The following SORL1 variants were observed in gnomAD, a reference collection of about 807,000 sequenced individuals.
SORL1 encodes sortilin-related receptor.
In SORL1, 127 loss-of-function variants were observed where a neutral mutation model predicts 273.7. That is an observed-to-expected ratio of 0.46 (90% CI 0.40 to 0.54). SORL1 has a LOEUF of 0.54. SORL1 is among the 20% of genes least tolerant of loss of function. The probability of loss-of-function intolerance (pLI) is 0.00; values close to 1 mark genes in which losing one functional copy is unlikely to be tolerated. For missense variants in SORL1, 2,494 were observed against 2,846.1 expected (o/e 0.88, Z 2.81); for synonymous variants, 1,031 against 1,067.4 (o/e 0.97, Z 0.66).
chr11:121,604,446 A>G, intron 33 of SORL1, 122 bp downstream of exon 33: 2 of 1,298,864 alleles, frequency 1.5e-6, no homozygotes, highest in Non-Finnish European at 2.1e-6. Flanking sequence ...ATCTAAGGAT[A>G]AAACAGATTT....
intron 5 of SORL1, among the ~76,000 whole-genome samples, chr11:121,491,211 G>T (rs1053572740): frequency 6.6e-6 from 1 of 152,134 alleles, no homozygotes; most frequent in South Asian, 2.1e-4. Flanking sequence ...AATCTGCATC[G>T]CTTGATAAAG....
At chr11:121,453,502 C>T (rs1271251872) in intron 1 of SORL1, among the ~76,000 whole-genome samples, 3 of 151,968 alleles carry the variant, frequency 2.0e-5, no homozygotes, top group Admixed American at 1.3e-4. Context: ...TTAAGATTGA[C>T]ATCAGCAAAA....
chr11:121,546,916 T>A (rs922140740), intron 14 of SORL1: 5 of 152,214 alleles, frequency 3.3e-5, no homozygotes, highest in Non-Finnish European at 5.9e-5. Flanking sequence ...GGCTCTGCGT[T>A]TCCATCAAGC....
chr11:121,581,370 AG>A (rs1863012992), intron 25 of SORL1, among the ~76,000 whole-genome samples: 2 of 152,172 alleles, frequency 1.3e-5, no homozygotes, highest in Non-Finnish European at 1.5e-5. Context: ...CCTGAGTCAA[AG>A]ATTAAGTTGT....
intron 2 of SORL1, among the ~76,000 whole-genome samples, chr11:121,473,910 AAAAG>A (rs1861216508): frequency 6.6e-6 from 1 of 152,090 alleles, no homozygotes; most frequent in Non-Finnish European, 1.5e-5. Flanking sequence ...AAAAAAGAAA[AAAAG>A]AAAAGAATCA....
At position 121,619,860 on chromosome 11, in the gene SORL1, C is replaced by G; in HGVS notation, c.5832C>G (p.Gly1944=). 1 of 1,614,012 alleles carries G rather than the reference C, an allele frequency of 6.2e-7. No homozygotes were observed. Among genetic ancestry groups the G allele is most frequent in the Non-Finnish European group, 8.5e-7 (1 of 1,179,912 alleles). Residue 1944 remains glycine, a synonymous_variant, in exon 43 of 48, where the codon GGC becomes GGG. Transcript: ENST00000260197. ...PPRHLHVVHT[G]KTSVVIKWES... is the part of the protein sequence containing the mutation. ...GTCACCTGCATGTGGTTCATACGGG[C>G]AAAACCTCCGTGGTCATCAAGTGGG...
chr11:121,541,762 G>C (rs1862353096), intron 12 of SORL1, among the ~76,000 whole-genome samples: 1 of 152,192 alleles, frequency 6.6e-6, no homozygotes, highest in Admixed American at 6.5e-5. Flanking sequence ...GATAAAACAA[G>C]TGTTGGGCAG....
chr11:121,560,677 G>T (rs1862658114), intron 21 of SORL1, among the ~76,000 whole-genome samples: 1 of 152,180 alleles, frequency 6.6e-6, no homozygotes, highest in Non-Finnish European at 1.5e-5. Context: ...TACTGTTATA[G>T]ATATCATTGT....
intron 12 of SORL1, 81 bp from the exon 13 acceptor site, chr11:121,543,467 T>G: frequency 1.7e-6 from 2 of 1,173,192 alleles, no homozygotes; most frequent in Non-Finnish European, 2.5e-6. Context: ...TGGTTCCTGT[T>G]CCTGGTGAAT....
At chr11:121,555,396 G>T (rs1222926209) in intron 18 of SORL1, 78 bp downstream of exon 18, 15 of 1,551,776 alleles carry the variant, frequency 9.7e-6, no homozygotes, top group Non-Finnish European at 1.3e-5. Flanking sequence ...TGACACAGAG[G>T]CAAGGGCCAG....
intron 5 of SORL1, among the ~76,000 whole-genome samples, chr11:121,495,875 G>T (rs751822888): frequency 3.3e-5 from 5 of 152,202 alleles, no homozygotes; most frequent in Non-Finnish European, 7.3e-5. Context: ...AGGGTAAAAT[G>T]AAATCTAAGA....
At chr11:121,504,411 C>CA (rs547575317) in intron 6 of SORL1, among the ~76,000 whole-genome samples, 40 of 144,918 alleles carry the variant, frequency 2.8e-4, no homozygotes, top group Non-Finnish European at 3.5e-4. Flanking sequence ...GACTCTGTCT[C>CA]AAAAAAAAAA....
At chr11:121,622,685 C>T (rs1863740306) in intron 45 of SORL1, among the ~76,000 whole-genome samples, 1 of 152,238 alleles carries the variant, frequency 6.6e-6, no homozygotes, top group Non-Finnish European at 1.5e-5. Flanking sequence ...CATCTCAGCA[C>T]TCTCTTCCCA....
intron 16 of SORL1, among the ~76,000 whole-genome samples, chr11:121,551,651 C>T (rs1313951706): frequency 6.6e-6 from 1 of 152,168 alleles, no homozygotes; most frequent in Non-Finnish European, 1.5e-5. Context: ...CTTACGTGGA[C>T]AGCCATAAGC....
chr11:121,535,197 C>T (rs915295410), intron 12 of SORL1, among the ~76,000 whole-genome samples: 1 of 152,112 alleles, frequency 6.6e-6, no homozygotes, highest in Non-Finnish European at 1.5e-5. Context: ...AATGACAACC[C>T]CTAGAGCACA....
chr11:121,527,680 T>C (rs1033186684), intron 11 of SORL1, among the ~76,000 whole-genome samples: 1 of 152,174 alleles, frequency 6.6e-6, no homozygotes, highest in African/African-American at 2.4e-5. Context: ...ATTCAGATTT[T>C]CTTCTTTTTG....
chr11:121,575,463 C>T (rs542496514), intron 24 of SORL1, among the ~76,000 whole-genome samples: 18 of 152,360 alleles, frequency 1.2e-4, no homozygotes, highest in Admixed American at 3.3e-4. Flanking sequence ...TCCCTGTCCA[C>T]GGGGGGCAGG....
intron 47 of SORL1, 158 bp from the exon 48 acceptor site, chr11:121,629,338 G>T (rs963443226): frequency 1.6e-5 from 9 of 571,144 alleles, no homozygotes; most frequent in African/African-American, 1.5e-4. Flanking sequence ...GGGAAGCTGG[G>T]CTAGGTTTCA....
intron 1 of SORL1, among the ~76,000 whole-genome samples, chr11:121,459,877 A>G (rs538512623): frequency 6.6e-6 from 1 of 152,300 alleles, no homozygotes; most frequent in South Asian, 2.1e-4. Context: ...ATCTTTGCAT[A>G]TAAACCTCCC....
Sources: gnomAD v4.1 joint callset for allele counts (sites outside exome capture counted in the v4.1 genomes callset) on GRCh38, gnomAD v4.1.1 for gene constraint, MANE v1.5 for transcripts, NCBI Gene and HGNC (gene_info 2026-07-23, HGNC 2026-07-21) for gene names.